Variants in ADAMTS20 observed in about 807,000 individuals in gnomAD.
ADAMTS20 encodes the protein A disintegrin and metalloproteinase with thrombospondin motifs 20.
In ADAMTS20, 225 loss-of-function variants were observed where a neutral mutation model predicts 260.1. The ratio of observed to expected loss-of-function variants is 0.87; its 90% CI spans 0.78 to 0.97. ADAMTS20 has a LOEUF of 0.97. ADAMTS20 is among the 50% of genes least tolerant of loss of function. ADAMTS20 has a pLI of 0.00. For missense variants in ADAMTS20, 2,400 were observed against 2,337.7 expected, an observed-to-expected ratio of 1.03 and a Z score of -0.55; for synonymous variants, 802 against 769.5, an observed-to-expected ratio of 1.04 and a Z score of -0.70.
intron 37 of ADAMTS20, among the ~76,000 whole-genome samples, chr12:43,368,357 G>T (rs957901464): frequency 6.6e-6 from 1 of 151,990 alleles, no homozygotes; most frequent in Non-Finnish European, 1.5e-5. Context: ...ACCACTTTCC[G>T]TTTGAGTTTC....
rs145607455 is a variant in ADAMTS20 at position 43,377,096 on chromosome 12, C to G, written c.4995+269G>C. The stretch of plus-strand genomic sequence containing the variant: ...TTCTTCACTTAACCAATAAATATTT[C>G]TTAAGCACTTACTCAAAGTGCAAGC... On this transcript the variant is annotated intron_variant, in intron 32 of 38. Transcript: ENST00000389420. Among the ~76,000 whole-genome samples the G allele has an allele frequency of 1.8e-3, 281 of 152,290 alleles. 5 individuals are homozygous for G. In the East Asian group the frequency reaches 0.037, roughly 20 times the overall value.
rs184922577 is a variant in ADAMTS20, at chr12:43,512,102, T to A, written c.614-9697A>T. Among the ~76,000 whole-genome samples the A allele has an allele frequency of 3.3e-5, 5 of 151,874 alleles. No homozygotes were observed. The East Asian group carries it at 9.7e-4, about 29-fold the overall frequency. Reference sequence around the variant, plus strand: ...TATTACATATCAGGTACTCGTACACTTCACATATGTTATCTCATTTAGCAT... The same window carrying A: ...TATTACATATCAGGTACTCGTACACATCACATATGTTATCTCATTTAGCAT... On this transcript the variant is annotated intron_variant, in intron 3 of 38. Coordinates refer to ENST00000389420, the MANE Select transcript of ADAMTS20 (RefSeq NM_025003.5).
At chr12:43,358,415 T>C (rs1224911702) in intron 37 of ADAMTS20, among the ~76,000 whole-genome samples, 1 of 152,176 alleles carries the variant, frequency 6.6e-6, no homozygotes, top group Non-Finnish European at 1.5e-5. Context: ...GGTATGATGT[T>C]GACGGAGGTA....
At chr12:43,547,298 A>C (rs1943453494) in intron 2 of ADAMTS20, among the ~76,000 whole-genome samples, 1 of 152,198 alleles carries the variant, frequency 6.6e-6, no homozygotes, top group Non-Finnish European at 1.5e-5. Context: ...GGAAGATGGA[A>C]AGGCAAAAGG....
At chr12:43,484,152 GA>G (rs1290477590) in intron 7 of ADAMTS20, among the ~76,000 whole-genome samples, 2 of 151,924 alleles carry the variant, frequency 1.3e-5, no homozygotes, top group African/African-American at 4.8e-5. Flanking sequence ...CCTCAAGGGG[GA>G]AAAATGAAAT....
intron 29 of ADAMTS20, among the ~76,000 whole-genome samples, chr12:43,386,798 G>A (rs1311220776): frequency 2.0e-5 from 3 of 152,124 alleles, no homozygotes; most frequent in Non-Finnish European, 4.4e-5. Flanking sequence ...ACTTGTGTAT[G>A]CTTCACGAAG....
chr12:43,439,113 C>T (rs917856366), intron 18 of ADAMTS20, among the ~76,000 whole-genome samples: 32 of 152,214 alleles, frequency 2.1e-4, no homozygotes, highest in South Asian at 1.2e-3. Context: ...AATTGTCCTG[C>T]TGTTCCCACT....
chr12:43,468,970 T>A (rs1029197934), intron 7 of ADAMTS20, among the ~76,000 whole-genome samples: 2 of 152,254 alleles, frequency 1.3e-5, no homozygotes, highest in African/African-American at 4.8e-5. Flanking sequence ...TAAATATTTT[T>A]AAAAAATTTT....
intron 29 of ADAMTS20, among the ~76,000 whole-genome samples, chr12:43,391,076 C>G (rs982025997): frequency 6.6e-6 from 1 of 152,192 alleles, no homozygotes; most frequent in Non-Finnish European, 1.5e-5. Flanking sequence ...CTGGGAATTT[C>G]AAGATCAAGG....
chr12:43,461,796 C>T (rs1942069987), intron 11 of ADAMTS20, among the ~76,000 whole-genome samples: 1 of 151,926 alleles, frequency 6.6e-6, no homozygotes, highest in Non-Finnish European at 1.5e-5. Flanking sequence ...AAAATAAAGT[C>T]CTTTAAATAA....
chr12:43,430,260 G>C, intron 23 of ADAMTS20, 92 bp downstream of exon 23: 1 of 1,419,960 alleles, frequency 7.0e-7, no homozygotes, highest in Non-Finnish European at 9.4e-7. Context: ...ACAAGTTTAA[G>C]TGGAAAAAAA....
At chr12:43,466,187 C>T (rs1453098763) in intron 9 of ADAMTS20, among the ~76,000 whole-genome samples, 1 of 152,006 alleles carries the variant, frequency 6.6e-6, no homozygotes, top group South Asian at 2.1e-4. Context: ...AGAGACTTGG[C>T]ATCTCTGTGG....
intron 28 of ADAMTS20, among the ~76,000 whole-genome samples, chr12:43,400,923 G>A (rs1239407675): frequency 1.3e-5 from 2 of 151,914 alleles, no homozygotes; most frequent in African/African-American, 4.8e-5. Flanking sequence ...GTCATGCAAA[G>A]ATTCATTAAA....
intron 7 of ADAMTS20, among the ~76,000 whole-genome samples, chr12:43,469,307 ATGTAT>A (rs1417080360): frequency 2.8e-4 from 43 of 152,302 alleles, no homozygotes; most frequent in Non-Finnish European, 5.3e-4. Context: ...GCAATAGGAA[ATGTAT>A]TGCAAATCAG....
rs1491192146 is a variant in ADAMTS20 at position 43,404,218 on chromosome 12, C to CACAA, written c.4285-4986_4285-4985insTTGT. ...ACACACACACACACACACACACACA[C>CACAA]AAATAGAAAGCACCCAGAATCACTC... On this transcript the variant is annotated intron_variant, in intron 28 of 38. Coordinates refer to ENST00000389420, the MANE Select transcript of ADAMTS20 (RefSeq NM_025003.5). Among the ~76,000 whole-genome samples, 13 of 142,508 alleles carry CACAA rather than the reference C, an allele frequency of 9.1e-5. 1 individual carries two copies. Among genetic ancestry groups the CACAA allele is most frequent in the Admixed American group, 3.5e-4 (5 of 14,294 alleles). The allele number at this position is 142,508 out of a possible 152,430, so 93.5% of individuals were successfully genotyped here. A position where few individuals can be genotyped will look rare whatever the true frequency, so the allele number is the denominator to read the frequency against.
intron 3 of ADAMTS20, among the ~76,000 whole-genome samples, chr12:43,508,276 C>T (rs1942873990): frequency 6.6e-6 from 1 of 152,096 alleles, no homozygotes; most frequent in Non-Finnish European, 1.5e-5. Flanking sequence ...ATATTATTAT[C>T]ATTATCATTG....
In ADAMTS20 at chr12:43,376,236, C is replaced by T; in HGVS notation, c.5220G>A (p.Lys1740=). 1 of 1,540,488 alleles carries T rather than the reference C, an allele frequency of 6.5e-7. No homozygotes were observed. The highest frequency in any genetic ancestry group is 8.8e-7 in the Non-Finnish European group (1 of 1,139,978). Reference sequence around the variant, plus strand: ...AAAAAAGGAACTGTTTTCATAATACCTTTATTATTCTTCCCTTAATGTTAA... The same window carrying T: ...AAAAAAGGAACTGTTTTCATAATACTTTTATTATTCTTCCCTTAATGTTAA... The part of the protein sequence containing the change: ...YYLNIKGRII[K]IYCADMYLEN... Residue 1740 remains lysine (K), a splice_region_variant and synonymous_variant, in exon 34 of 39, where the codon AAG becomes AAA. Transcript: ENST00000389420.
chr12:43,422,921 G>A (rs1941262326), intron 28 of ADAMTS20: 1 of 151,824 alleles, frequency 6.6e-6, no homozygotes, highest in African/African-American at 2.4e-5. Context: ...AAAATATATT[G>A]GAATATAGTA....
chr12:43,501,471 G>GCACA (rs1341840205), intron 4 of ADAMTS20, among the ~76,000 whole-genome samples: 16 of 46,778 alleles, frequency 3.4e-4, no homozygotes, highest in South Asian at 2.4e-3. Flanking sequence ...ACGCGCGCGC[G>GCACA]CGCGCGCGCG....
Sources: gnomAD v4.1 joint callset for allele counts (sites outside exome capture counted in the v4.1 genomes callset) on GRCh38, gnomAD v4.1.1 for gene constraint, MANE v1.5 for transcripts, NCBI Gene and HGNC (gene_info 2026-07-23, HGNC 2026-07-21) for gene names.